Variants in MYO18B observed in about 807,000 individuals in gnomAD.
The protein encoded by MYO18B is myosin XVIIIB, also known as unconventional myosin-XVIIIb.
MYO18B carries 204 observed loss-of-function variants against 273.0 expected under a neutral mutation model. The observed-to-expected ratio is 0.75, with a 90% CI of 0.67 to 0.84. MYO18B has a LOEUF of 0.84. Among genes scored for constraint, MYO18B ranks in the 40% least tolerant of loss-of-function variants. The pLI, the probability that MYO18B is intolerant of heterozygous loss-of-function variation, is 0.00. For synonymous variants in MYO18B, 1,330 were observed against 1,305.7 expected (o/e 1.02, Z -0.40); for missense variants, 3,212 against 3,287.6 (o/e 0.98, Z 0.56).
At chr22:26,032,432 C>G (rs937334180), downstream of MYO18B, among the ~76,000 whole-genome samples, 3 of 151,608 alleles carry the variant, frequency 2.0e-5, no homozygotes, top group Non-Finnish European at 1.5e-5. Context: ...CCTCTGGCGT[C>G]TCTCTGTGTC....
chr22:25,812,206 C>A (rs1411293814), intron 12 of MYO18B, among the ~76,000 whole-genome samples: 2 of 152,180 alleles, frequency 1.3e-5, no homozygotes, highest in Non-Finnish European at 2.9e-5. Context: ...CAAGACAGGC[C>A]TGGCCTGTCT....
chr22:25,945,060 A>G (rs552580029), intron 34 of MYO18B, among the ~76,000 whole-genome samples: 1 of 152,266 alleles, frequency 6.6e-6, no homozygotes, highest in South Asian at 2.1e-4. Context: ...GAGAGAAAGA[A>G]AAGTGTGAGA....
In MYO18B at chr22:25,913,964, G is replaced by GT. The variant is rs377489592; in HGVS notation, c.5364+2915dup. Among the ~76,000 whole-genome samples the GT allele has an allele frequency of 1.8e-3, 278 of 152,280 alleles. 1 individual carries two copies. Among genetic ancestry groups the GT allele is most frequent in the African/African-American group, 6.6e-3 (273 of 41,560 alleles). On this transcript the variant is annotated intron_variant, in intron 33 of 43. Coordinates refer to ENST00000335473, the MANE Select transcript of MYO18B (RefSeq NM_032608.7). The stretch of plus-strand genomic sequence containing the variant: ...CATCATGTGTCTTAAAAGTTCTAAA[G>GT]TATTGCTTTTGACATTTTTAGGTCT...
chr22:25,968,150 TCAAA>T (rs1469462243), intron 39 of MYO18B, among the ~76,000 whole-genome samples: 1 of 152,106 alleles, frequency 6.6e-6, no homozygotes, highest in East Asian at 1.9e-4. Flanking sequence ...ACCCAGCGGC[TCAAA>T]CAAAGGCCAA....
chr22:25,744,834 G>A (rs2085730786), intron 1 of MYO18B, among the ~76,000 whole-genome samples: 1 of 152,162 alleles, frequency 6.6e-6, no homozygotes, highest in African/African-American at 2.4e-5. Context: ...CCCCTCCAGA[G>A]TGCTGCCAAA....
chr22:26,001,013 G>A (rs531343480), intron 40 of MYO18B, among the ~76,000 whole-genome samples: 1 of 152,108 alleles, frequency 6.6e-6, no homozygotes, highest in Non-Finnish European at 1.5e-5. Context: ...AGAAGCTTAG[G>A]AGGAGCTAGT....
chr22:25,941,597 ATTC>A (rs2092644860), intron 34 of MYO18B, among the ~76,000 whole-genome samples: 2 of 152,238 alleles, frequency 1.3e-5, no homozygotes, highest in East Asian at 1.9e-4. Context: ...TGTGCAGTGA[ATTC>A]TTCTTATGCT....
At chr22:25,998,758 A>G (rs8139900) in intron 40 of MYO18B, among the ~76,000 whole-genome samples, 79,099 of 151,878 alleles carry the variant, frequency 0.52, 23,196 homozygotes, top group African/African-American at 0.78. Flanking sequence ...TTTGTCCCCT[A>G]TGAGTAATGA....
intron 7 of MYO18B, among the ~76,000 whole-genome samples, chr22:25,775,273 G>A (rs1032591867): frequency 4.6e-5 from 7 of 152,192 alleles, no homozygotes; most frequent in Admixed American, 2.0e-4. Context: ...TCAGGATAGG[G>A]ACTCATGACT....
chr22:25,755,269 C>G (rs978804304), intron 1 of MYO18B, among the ~76,000 whole-genome samples: 1 of 152,000 alleles, frequency 6.6e-6, no homozygotes, highest in South Asian at 2.1e-4. Flanking sequence ...TGCAATGGCT[C>G]GATCTCGGCT....
chr22:25,938,499 G>T (rs1253216953), intron 34 of MYO18B, among the ~76,000 whole-genome samples: 1 of 152,190 alleles, frequency 6.6e-6, no homozygotes, highest in Non-Finnish European at 1.5e-5. Context: ...CTGACCTTGG[G>T]CAAATCACTT....
At chr22:25,761,773 C>T (rs543551139) in intron 2 of MYO18B, among the ~76,000 whole-genome samples, 2 of 152,066 alleles carry the variant, frequency 1.3e-5, no homozygotes, top group African/African-American at 2.4e-5. Flanking sequence ...CTGCCCCTCC[C>T]AGCCTGATCT....
intron 29 of MYO18B, chr22:25,900,848 G>A (rs900625236): frequency 4.6e-5 from 7 of 152,204 alleles, no homozygotes; most frequent in African/African-American, 1.4e-4. Flanking sequence ...GGAATGGACA[G>A]GTAGATGGGG....
At chr22:25,931,487 AT>A (rs2092500031) in intron 34 of MYO18B, among the ~76,000 whole-genome samples, 1 of 152,096 alleles carries the variant, frequency 6.6e-6, no homozygotes, top group Non-Finnish European at 1.5e-5. Flanking sequence ...ACCTGATTAT[AT>A]CCCCCAAACC....
intron 43 of MYO18B, among the ~76,000 whole-genome samples, chr22:26,029,177 C>T (rs1278075298): frequency 6.6e-6 from 1 of 152,160 alleles, no homozygotes; most frequent in African/African-American, 2.4e-5. Flanking sequence ...TGTCTGATAG[C>T]GTATGAGCCT....
intron 34 of MYO18B, among the ~76,000 whole-genome samples, chr22:25,941,993 A>C (rs1406415509): frequency 6.6e-6 from 1 of 152,238 alleles, no homozygotes; most frequent in Non-Finnish European, 1.5e-5. Flanking sequence ...CCCACTTCCC[A>C]GGGATGAAAG....
chr22:25,888,433 T>G (rs958068034), intron 25 of MYO18B, among the ~76,000 whole-genome samples: 1 of 152,132 alleles, frequency 6.6e-6, no homozygotes, highest in African/African-American at 2.4e-5. Flanking sequence ...GGTTTATTTT[T>G]AAAAACTTTT....
chr22:26,060,849 A>G, the MYO18B span, among the ~76,000 whole-genome samples: 10 of 109,604 alleles, frequency 9.1e-5, no homozygotes, highest in Admixed American at 1.7e-4. Flanking sequence ...CAATATACAC[A>G]TATACATATA....
At chr22:25,790,035 C>A (rs1444342384) in intron 11 of MYO18B, among the ~76,000 whole-genome samples, 4 of 152,160 alleles carry the variant, frequency 2.6e-5, no homozygotes, top group Admixed American at 2.6e-4. Flanking sequence ...TGCCTGTAAT[C>A]TCAGCTACTC....
Sources: allele counts gnomAD v4.1 joint callset (sites outside exome capture counted in the v4.1 genomes callset), GRCh38; gene constraint gnomAD v4.1.1; transcripts MANE v1.5; gene names NCBI Gene and HGNC (gene_info 2026-07-23, HGNC 2026-07-21).